SYDE2: variants seen among roughly 807,000 people sequenced by gnomAD.
SYDE2 encodes synapse defective Rho GTPase homolog 2, also known as rho GTPase-activating protein SYDE2.
Under a neutral mutation model 91.5 loss-of-function variants are expected in SYDE2, and 76 were observed. That is an observed-to-expected ratio of 0.83 (90% CI 0.69 to 1.01). The LOEUF (loss-of-function observed/expected upper bound fraction) is 1.01, where lower values mean the gene tolerates loss of function less well. Among genes scored for constraint, SYDE2 ranks in the 50% least tolerant of loss-of-function variants. The probability of loss-of-function intolerance (pLI) is 0.00; values close to 1 mark genes in which losing one functional copy is unlikely to be tolerated. For synonymous variants in SYDE2, 513 were observed against 506.4 expected, an observed-to-expected ratio of 1.01 and a Z score of -0.18; for missense variants, 1,364 against 1,367.7, an observed-to-expected ratio of 1.00 and a Z score of 0.04.
In SYDE2 at chr1:85,182,217, G is replaced by A; in HGVS notation, c.2425C>T (p.Gln809Ter). The A allele has an allele frequency of 6.2e-7, 1 of 1,609,326 alleles. No individual in the cohort carries two copies. Among genetic ancestry groups the A allele is most frequent in the Non-Finnish European group, 8.5e-7 (1 of 1,178,120 alleles). Residue 809 changes from glutamine to a stop codon, truncating the protein, a stop_gained, in exon 3 of 7, where the codon CAA becomes TAA. Transcript: ENST00000341460. LOFTEE classifies it high-confidence loss of function. ...TCAACTCCAAATATTATTGGTTCTT[G>A]GTTTATATCTAGTCCATGAAGAGAA... The part of the protein sequence containing the change: ...ENSLHGLDIN[Q>*]EPIIFGVDIQ...
chr1:85,158,885 T>C lies in SYDE2; in HGVS notation c.3450A>G (p.Thr1150=), dbSNP rs766207248. 1 of 780,426 alleles carries C rather than the reference T, an allele frequency of 1.3e-6. No individual in the cohort carries two copies. Among genetic ancestry groups the C allele is most frequent in the Non-Finnish European group, 2.4e-6 (1 of 417,910 alleles). The allele number at this position is 780,426 out of a possible 1,614,324, so 48.3% of individuals were successfully genotyped here. ...ACTCAACTGTCTGCATTGTCAAATA[T>C]GTCTGAAATGTACACTCTTTGGACA... The part of the protein sequence containing the change: ...IPMSKECTFQ[T]YLTMQTVEST... Residue 1150 remains threonine, a synonymous_variant, in exon 7 of 7, where the codon ACA becomes ACG. Transcript: ENST00000341460.
intron 6 of SYDE2, chr1:85,160,333 AT>A: frequency 1.1e-6 from 1 of 903,270 alleles, no homozygotes; most frequent in Non-Finnish European, 1.3e-6. Flanking sequence ...TATTCATAAC[AT>A]TTTTCATAGA....
chr1:85,163,024 T>C (rs762777364), intron 6 of SYDE2, among the ~76,000 whole-genome samples: 1 of 152,128 alleles, frequency 6.6e-6, no homozygotes, highest in Non-Finnish European at 1.5e-5. Context: ...ACATTCTAAT[T>C]CAGTTAAAAC....
At chr1:85,195,586 T>G (rs1658557225) in intron 1 of SYDE2, among the ~76,000 whole-genome samples, 1 of 150,258 alleles carries the variant, frequency 6.7e-6, no homozygotes, top group Non-Finnish European at 1.5e-5. Flanking sequence ...AAAAAAGCTG[T>G]GTGTTAGCTT....
Position 85,182,856 on chromosome 1 carries a change from T to C in SYDE2, c.1786A>G (p.Thr596Ala). The change falls in exon 3 of 7, where the codon ACC becomes GCC. Residue 596 changes from threonine (T) to alanine (A), a missense_variant. Thr to Ala is a moderately conservative substitution (Grantham distance 58). Transcript: ENST00000341460. ...TAGCTCTGCTGGGAGGATACACTGGTATCAAGATGGTATCGGCTTATAACA... is the reference window on the plus strand; with the variant it reads ...TAGCTCTGCTGGGAGGATACACTGGCATCAAGATGGTATCGGCTTATAACA... ...RNVISRYHLD[T>A]SVSSQQSYQK... 6.2e-7 allele frequency: 1 copy of C among 1,613,786 alleles called. No individual in the cohort carries two copies. The highest frequency in any genetic ancestry group is 8.5e-7 in the Non-Finnish European group (1 of 1,179,792).
In SYDE2 at chr1:85,190,569, T is replaced by C; in HGVS notation, c.929A>G (p.Asp310Gly). The C allele has an allele frequency of 6.2e-6, 10 of 1,613,976 alleles. No homozygotes were observed. The highest frequency in any genetic ancestry group is 8.5e-6 in the Non-Finnish European group (10 of 1,179,886). ...NLEEENKKCQ[D>G]RSHLSISPVS... The stretch of plus-strand genomic sequence containing the variant: ...AGGTGAGATGGATAAATGACTTCTA[T>C]CTTGGCATTTCTTATTTTCTTCTTC... The change falls in exon 2 of 7, where the codon GAT (aspartate) becomes GGT (glycine). Residue 310 changes from aspartate (D) to glycine (G), a missense_variant. Physicochemically the swap from Asp to Gly is moderately conservative, Grantham distance 94. Transcript: ENST00000341460.
chr1:85,161,080 G>T, intron 6 of SYDE2: 2 of 984,924 alleles, frequency 2.0e-6, no homozygotes, highest in Non-Finnish European at 2.4e-6. Flanking sequence ...AACCTCAAAA[G>T]TTCTGGTTTT....
intron 2 of SYDE2, among the ~76,000 whole-genome samples, chr1:85,184,876 G>T (rs1208068086): frequency 7.0e-6 from 1 of 142,228 alleles, no homozygotes; most frequent in Non-Finnish European, 1.5e-5. Context: ...GAGATACCCC[G>T]TCTTAAAAAA....
rs753938811 is a variant in SYDE2, at chr1:85,159,075, C to T, written c.3260G>A (p.Arg1087His). The stretch of plus-strand genomic sequence containing the variant: ...ACAGCTGCTCCAGTCTCCTGCATAA[C>T]GATTGCTAAGTGGACTGTCTAATCG... ...QNRLDSPLSN[R>H]YAGDWSSCGE... is the part of the protein sequence containing the mutation. The change falls in exon 7 of 7, where the codon CGT becomes CAT. Residue 1087 changes from arginine (R) to histidine (H), a missense_variant. Arg to His is a conservative substitution (Grantham distance 29). Coordinates refer to ENST00000341460, the MANE Select transcript of SYDE2 (RefSeq NM_032184.2). The T allele has an allele frequency of 2.7e-5, 21 of 780,716 alleles. No homozygotes were observed. Among genetic ancestry groups the T allele is most frequent in the South Asian group, 5.4e-5 (4 of 74,612 alleles). The allele number at this position is 780,716 out of a possible 1,614,324, so 48.4% of individuals were successfully genotyped here.
intron 1 of SYDE2, among the ~76,000 whole-genome samples, chr1:85,197,683 C>G (rs960742961): frequency 1.3e-5 from 2 of 151,952 alleles, no homozygotes; most frequent in African/African-American, 4.8e-5. Flanking sequence ...GAGACGGAGT[C>G]TCACTCTGTC....
chr1:85,183,246 A>T, intron 2 of SYDE2, 46 bp from the exon 3 acceptor site: 1 of 1,466,804 alleles, frequency 6.8e-7, no homozygotes, highest in Non-Finnish European at 9.1e-7. Context: ...ATATGTTTTG[A>T]TTTCTTTTAT....
Position 85,169,154 on chromosome 1 carries a change from C to G in SYDE2, c.2743G>C (p.Asp915His), listed in dbSNP as rs773243477. The G allele has an allele frequency of 1.2e-6, 2 of 1,613,748 alleles. No individual in the cohort carries two copies. The highest frequency in any genetic ancestry group is 2.7e-5 in the African/African-American group (2 of 74,916). Residue 915 changes from aspartate to histidine, a missense_variant, in exon 5 of 7, where the codon GAT becomes CAT. Physicochemically the swap from Asp to His is moderately conservative, Grantham distance 81. Coordinates refer to ENST00000341460, the MANE Select transcript of SYDE2 (RefSeq NM_032184.2). ...ITKQLYEAVLDAMAKSPLKMS... is the reference protein window; with the variant it reads ...ITKQLYEAVLHAMAKSPLKMS... Reference sequence around the variant, plus strand: ...TTCAAAGGACTTTTTGCCATTGCATCTAATACAGCCTCATAAAGCTGCTTT... The same window carrying G: ...TTCAAAGGACTTTTTGCCATTGCATGTAATACAGCCTCATAAAGCTGCTTT...
At chr1:85,152,593 A>G (rs914719298), downstream of SYDE2, 1 of 152,238 alleles carries the variant, frequency 6.6e-6, no homozygotes, top group Admixed American at 6.5e-5. Context: ...AAAGACAACC[A>G]TTCTCAAGTA....
chr1:85,200,640 G>C lies in SYDE2; in HGVS notation c.357C>G (p.Pro119=). The change falls in exon 1 of 7, where the codon CCC becomes CCG. Residue 119 remains proline, a synonymous_variant. Transcript: ENST00000341460. ...RCGAHRDWDE[P]PPRGGRMDGW... ...CGTCCATCCTGCCTCCACGTGGCGG[G>C]GGCTCGTCCCAGTCCCGGTGCGCGC... 1 of 1,543,926 alleles carries C rather than the reference G, an allele frequency of 6.5e-7. No homozygotes were observed. Among genetic ancestry groups the C allele is most frequent in the Non-Finnish European group, 8.7e-7 (1 of 1,150,140 alleles).
chr1:85,154,931 C>T (rs1656842675), downstream of SYDE2, among the ~76,000 whole-genome samples: 1 of 149,306 alleles, frequency 6.7e-6, no homozygotes, highest in African/African-American at 2.5e-5. Flanking sequence ...CTCTCCCATG[C>T]ACCCTTTCTG....
chr1:85,182,383 T>C lies in SYDE2; in HGVS notation c.2259A>G (p.Pro753=), dbSNP rs1056252227. The C allele has an allele frequency of 3.1e-6, 5 of 1,613,840 alleles. No individual in the cohort carries two copies. In the East Asian group the frequency reaches 6.7e-5, roughly 22 times the overall value. Reference sequence around the variant, plus strand: ...CATGACAACAAACTCGATTTTTTCTTGGAGTGGGTTCCCAACTGAATACTA... The same window carrying C: ...CATGACAACAAACTCGATTTTTTCTCGGAGTGGGTTCCCAACTGAATACTA... ...KLVVFSWEPT[P]RKNRVCCHGT... is the part of the protein sequence containing the mutation. Residue 753 remains proline (P), a synonymous_variant, in exon 3 of 7, where the codon CCA becomes CCG. Coordinates refer to ENST00000341460, the MANE Select transcript of SYDE2 (RefSeq NM_032184.2).
intron 4 of SYDE2, among the ~76,000 whole-genome samples, chr1:85,176,240 A>G (rs1287692688): frequency 7.1e-6 from 1 of 140,842 alleles, no homozygotes; most frequent in East Asian, 1.9e-4. Context: ...TTACACATTA[A>G]CAAGGAAAGA....
chr1:85,173,053 C>G (rs1423510596), intron 4 of SYDE2, among the ~76,000 whole-genome samples: 1 of 152,056 alleles, frequency 6.6e-6, no homozygotes, highest in Non-Finnish European at 1.5e-5. Context: ...GTGGCCCCCA[C>G]CCCCAACCAA....
chr1:85,200,690 G>A lies in SYDE2; in HGVS notation c.307C>T (p.Pro103Ser), dbSNP rs1464424263. The part of the protein sequence containing the change: ...GAKPPPFQRW[P>S]SDSWIRCGAH... ...CCGCACCTGATCCAGCTGTCGCTCGGCCACCGCTGGAAGGGAGGCGGCTTG... is the reference window on the plus strand; with the variant it reads ...CCGCACCTGATCCAGCTGTCGCTCGACCACCGCTGGAAGGGAGGCGGCTTG... Residue 103 changes from proline (P) to serine (S), a missense_variant, in exon 1 of 7, where the codon CCG becomes TCG. Pro to Ser is a moderately conservative substitution (Grantham distance 74). Transcript: ENST00000341460. The A allele has an allele frequency of 1.3e-5, 20 of 1,536,826 alleles. No individual in the cohort carries two copies. The highest frequency in any genetic ancestry group is 1.7e-5 in the Non-Finnish European group (19 of 1,146,892).
Sources: allele counts gnomAD v4.1 joint callset (sites outside exome capture counted in the v4.1 genomes callset), GRCh38; gene constraint gnomAD v4.1.1; transcripts MANE v1.5; gene names NCBI Gene and HGNC (gene_info 2026-07-23, HGNC 2026-07-21).